Variants in RGL1 observed in about 807,000 individuals in gnomAD.
The protein encoded by RGL1 is ral guanine nucleotide dissociation stimulator-like 1.
In RGL1, 24 loss-of-function variants were observed where a neutral mutation model predicts 95.2. The observed-to-expected ratio is 0.25, with a 90% CI of 0.18 to 0.35. The LOEUF (loss-of-function observed/expected upper bound fraction) is 0.35, where lower values mean the gene tolerates loss of function less well. RGL1 is among the 10% of genes least tolerant of loss of function. The pLI, the probability that RGL1 is intolerant of heterozygous loss-of-function variation, is 1.00. For synonymous variants in RGL1, 329 were observed against 344.9 expected, an observed-to-expected ratio of 0.95 and a Z score of 0.51; for missense variants, 715 against 936.3, an observed-to-expected ratio of 0.76 and a Z score of 3.08.
At chr1:183,875,485 G>T (rs1451832071) in intron 4 of RGL1, among the ~76,000 whole-genome samples, 1 of 152,180 alleles carries the variant, frequency 6.6e-6, no homozygotes, top group Non-Finnish European at 1.5e-5. Context: ...GGGGTGGCTA[G>T]AAGTTCTGAA....
intron 9 of RGL1, among the ~76,000 whole-genome samples, chr1:183,894,078 G>A (rs180872824): frequency 4.3e-4 from 65 of 152,312 alleles, no homozygotes; most frequent in Non-Finnish European, 8.2e-4. Context: ...GTTACTCCCT[G>A]CTTCACATGC....
chr1:183,736,660 G>A (rs1014728115), intron 1 of RGL1, among the ~76,000 whole-genome samples: 1 of 152,342 alleles, frequency 6.6e-6, no homozygotes, highest in Admixed American at 6.5e-5. Context: ...GAGGAATGAG[G>A]AAGAGAGAAT....
intron 1 of RGL1, among the ~76,000 whole-genome samples, chr1:183,649,109 G>C (rs75901258): frequency 0.013 from 1,989 of 152,298 alleles, 51 homozygotes; most frequent in African/African-American, 0.046. Flanking sequence ...ATTTGGGCTT[G>C]GCCAATTATC....
intron 2 of RGL1, among the ~76,000 whole-genome samples, chr1:183,762,488 T>C (rs975443216): frequency 6.6e-6 from 1 of 152,152 alleles, no homozygotes; most frequent in African/African-American, 2.4e-5. Context: ...TACATAATAG[T>C]AATTTAAAAG....
At chr1:183,641,592 A>G (rs1371843363) in intron 1 of RGL1, among the ~76,000 whole-genome samples, 1 of 152,158 alleles carries the variant, frequency 6.6e-6, no homozygotes, top group African/African-American at 2.4e-5. Context: ...TCAGTTTTTA[A>G]GTAAGATTGG....
chr1:183,778,326 A>G (rs1340318574), intron 2 of RGL1, among the ~76,000 whole-genome samples: 2 of 152,242 alleles, frequency 1.3e-5, no homozygotes, highest in Non-Finnish European at 2.9e-5. Context: ...TCTGTACTAT[A>G]GGATAGGAAA....
intron 1 of RGL1, among the ~76,000 whole-genome samples, chr1:183,708,909 T>C (rs1432223705): frequency 6.6e-6 from 1 of 152,198 alleles, no homozygotes; most frequent in Non-Finnish European, 1.5e-5. Context: ...GCACCAGATG[T>C]AAGGCTCTTG....
chr1:183,817,578 C>T (rs1016360874), intron 2 of RGL1, among the ~76,000 whole-genome samples: 2 of 152,190 alleles, frequency 1.3e-5, no homozygotes, highest in Admixed American at 6.5e-5. Context: ...TTCCTTCTCT[C>T]TCAAGATACT....
Position 183,772,745 on chromosome 1 carries a change from C to T in RGL1, c.132+30456C>T, listed in dbSNP as rs575549303. On this transcript the variant is annotated intron_variant, in intron 2 of 18. Transcript: ENST00000304685. ...TCACTCTGGGCCGGGCGCGGTGGCT[C>T]ACGCCTGTAATCCCAGCACTTTGGG... Among the ~76,000 whole-genome samples the T allele has an allele frequency of 2.2e-4, 34 of 151,546 alleles. No individual in the cohort carries two copies. The East Asian group carries it at 6.2e-3, about 28-fold the overall frequency.
In RGL1 at chr1:183,916,700, T is replaced by A; in HGVS notation, c.2003T>A (p.Met668Lys). ...AACGGCAACATGTACAAGAGCATCA[T>A]GGTGAGGAGCAAGCCCTGACCCAGG... ...DNNGNMYKSIMLTSQDKTPAV... is the reference protein window; with the variant it reads ...DNNGNMYKSIKLTSQDKTPAV... Residue 668 changes from methionine to lysine, a missense_variant and splice_region_variant, in exon 16 of 18, where the codon ATG (methionine) becomes AAG (lysine). Coordinates refer to ENST00000360851, the MANE Select transcript of RGL1 (RefSeq NM_001297671.3). 1 of 1,611,214 alleles carries A rather than the reference T, an allele frequency of 6.2e-7. No homozygotes were observed. The highest frequency in any genetic ancestry group is 1.1e-5 in the South Asian group (1 of 91,050).
intron 2 of RGL1, among the ~76,000 whole-genome samples, chr1:183,751,511 GAGAC>G (rs1423539127): frequency 6.6e-6 from 1 of 152,166 alleles, no homozygotes; most frequent in East Asian, 1.9e-4. Context: ...CCTGCTGAGT[GAGAC>G]CACTTGGCTT....
chr1:183,828,440 G>A (rs927549945), intron 2 of RGL1, among the ~76,000 whole-genome samples: 2 of 152,178 alleles, frequency 1.3e-5, no homozygotes, highest in Non-Finnish European at 2.9e-5. Context: ...TGGAGTGGGG[G>A]TAGAGGGCAG....
intron 2 of RGL1, among the ~76,000 whole-genome samples, chr1:183,812,359 C>T (rs907136025): frequency 6.6e-6 from 1 of 152,142 alleles, no homozygotes; most frequent in Admixed American, 6.5e-5. Flanking sequence ...GAGATTTTGG[C>T]AGTTTCTGGG....
chr1:183,711,608 C>T lies in RGL1; in HGVS notation c.-32-30518C>T, dbSNP rs555352729. Reference sequence around the variant, plus strand: ...GAGAGTCTAGGGGCCTTTAGTTTTCCCCTTGGAAAGCCTTGGAGGGGAATT... The same window carrying T: ...GAGAGTCTAGGGGCCTTTAGTTTTCTCCTTGGAAAGCCTTGGAGGGGAATT... On this transcript the variant is annotated intron_variant, in intron 1 of 18. Coordinates refer to the RGL1 transcript ENST00000304685. Among the ~76,000 whole-genome samples the T allele has an allele frequency of 9.9e-5, 15 of 152,160 alleles. No homozygotes were observed. In the East Asian group the frequency reaches 1.7e-3, roughly 18 times the overall value.
chr1:183,856,630 A>G (rs1665167068), intron 3 of RGL1, among the ~76,000 whole-genome samples: 1 of 148,722 alleles, frequency 6.7e-6, no homozygotes, highest in Admixed American at 6.7e-5. Flanking sequence ...GTAAATATAT[A>G]TATATTTTTA....
intron 1 of RGL1, among the ~76,000 whole-genome samples, chr1:183,645,632 T>C (rs1661583442): frequency 6.6e-6 from 1 of 152,252 alleles, no homozygotes. Flanking sequence ...CAAGAATCAC[T>C]GCGTAGTGAG....
At chr1:183,906,090 T>C (rs1258009491) in intron 13 of RGL1, among the ~76,000 whole-genome samples, 1 of 152,104 alleles carries the variant, frequency 6.6e-6, no homozygotes, top group Non-Finnish European at 1.5e-5. Flanking sequence ...GAGAGTGAAA[T>C]TGACAGCAAA....
At chr1:183,862,964 T>C (rs531936112) in intron 3 of RGL1, among the ~76,000 whole-genome samples, 1 of 152,318 alleles carries the variant, frequency 6.6e-6, no homozygotes, top group African/African-American at 2.4e-5. Context: ...AAGGGGCTGA[T>C]GTTACAGTTG....
rs756560522 is a variant in RGL1, at chr1:183,880,782, C to A, written c.592C>A (p.Gln198Lys). The change falls in exon 5 of 18, where the codon CAA (glutamine) becomes AAA (lysine). Residue 198 changes from glutamine (Q) to lysine (K), a missense_variant. Physicochemically the swap from Gln to Lys is moderately conservative, Grantham distance 53 (BLOSUM62 1). Coordinates refer to ENST00000360851, the MANE Select transcript of RGL1 (RefSeq NM_001297671.3). ...AAATCTTCTTGAGCAGTTTCAGAAG[C>A]AAGAAGTGGAAACTGACAGTGAGTA... is the stretch of plus-strand genomic sequence containing the variant. ...AQNLLEQFQKQEVETDNGLPN... is the reference protein window; with the variant it reads ...AQNLLEQFQKKEVETDNGLPN... 5.0e-6 allele frequency: 8 copies of A among 1,613,776 alleles called. No homozygotes were observed. In the South Asian group the frequency reaches 7.7e-5, roughly 16 times the overall value.
Sources: allele counts gnomAD v4.1 joint callset (sites outside exome capture counted in the v4.1 genomes callset), GRCh38; gene constraint gnomAD v4.1.1; transcripts MANE v1.5; gene names NCBI Gene and HGNC (gene_info 2026-07-23, HGNC 2026-07-21).